Variants in PKNOX2 observed in about 807,000 individuals in gnomAD.
The protein encoded by PKNOX2 is PBX/knotted 1 homeobox 2, also known as homeobox protein PKNOX2.
A neutral mutation model predicts 53.1 loss-of-function variants in PKNOX2; 14 were observed. The ratio of observed to expected loss-of-function variants is 0.26; its 90% confidence interval spans 0.17 to 0.41. The LOEUF is 0.41. Among genes scored for constraint, PKNOX2 ranks in the 10% least tolerant of loss-of-function variants. The pLI, the probability that PKNOX2 is intolerant of heterozygous loss-of-function variation, is 1.00. For missense variants in PKNOX2, 496 were observed against 602.8 expected (o/e 0.82, Z 1.85); for synonymous variants, 257 against 242.8 (o/e 1.06, Z -0.54).
intron 2 of PKNOX2, among the ~76,000 whole-genome samples, chr11:125,276,821 A>G (rs1035753230): frequency 6.6e-6 from 1 of 152,088 alleles, no homozygotes; most frequent in Admixed American, 6.5e-5. Context: ...TAGTCAGCAA[A>G]TTTGTATCAT....
At chr11:125,316,090 G>C (rs1368362413) in intron 2 of PKNOX2, among the ~76,000 whole-genome samples, 1 of 152,110 alleles carries the variant, frequency 6.6e-6, no homozygotes, top group Non-Finnish European at 1.5e-5. Context: ...AGTGCAAAAG[G>C]CTCCTTTGCG....
chr11:125,165,450 G>A lies in PKNOX2; in HGVS notation c.-201+674G>A, dbSNP rs1468091931. Among the ~76,000 whole-genome samples, 1 of 152,174 alleles carries A rather than the reference G, an allele frequency of 6.6e-6. No individual in the cohort carries two copies. The highest frequency in any genetic ancestry group is 1.5e-5 in the Non-Finnish European group (1 of 68,004). ...CGTCCTTGGGGCCGGCGCTTACTCC[G>A]CGCCACCAGCCTGGAGATGCTTTCC... is the stretch of plus-strand genomic sequence containing the variant. On this transcript the variant is annotated intron_variant, in intron 1 of 12. Transcript: ENST00000298282. The surrounding 1 kb of genome is among the most constrained non-coding windows in gnomAD (Gnocchi z 4.5).
intron 9 of PKNOX2, chr11:125,411,397 T>C: frequency 2.5e-6 from 1 of 400,802 alleles, no homozygotes; most frequent in Non-Finnish European, 4.7e-6. Flanking sequence ...TGATAACTAC[T>C]TGACAGCTTA....
At chr11:125,320,082 C>T (rs904972358) in intron 2 of PKNOX2, among the ~76,000 whole-genome samples, 1 of 152,194 alleles carries the variant, frequency 6.6e-6, no homozygotes. Context: ...TGGAGAGTGT[C>T]AAGAATGTTA....
chr11:125,268,685 G>A (rs953188115), intron 2 of PKNOX2, among the ~76,000 whole-genome samples: 14 of 152,310 alleles, frequency 9.2e-5, no homozygotes, highest in African/African-American at 3.4e-4. Context: ...GGGCAGGGGG[G>A]CCTGGGGCTG....
chr11:125,425,448 TCTA>T (rs1956363246), intron 10 of PKNOX2, among the ~76,000 whole-genome samples: 1 of 152,246 alleles, frequency 6.6e-6, no homozygotes, highest in Non-Finnish European at 1.5e-5. Flanking sequence ...GGAAGGATTA[TCTA>T]CTTCCAGAGA....
chr11:125,238,048 G>A (rs773792740), intron 2 of PKNOX2, among the ~76,000 whole-genome samples: 1 of 152,212 alleles, frequency 6.6e-6, no homozygotes, highest in African/African-American at 2.4e-5. Context: ...TATGTCCTGA[G>A]GAGGCTGTGC....
At chr11:125,358,568 A>G (rs1343380291) in intron 4 of PKNOX2, among the ~76,000 whole-genome samples, 2 of 152,184 alleles carry the variant, frequency 1.3e-5, no homozygotes, top group Non-Finnish European at 2.9e-5. Flanking sequence ...TGAAACCCCC[A>G]TTGTACACCA....
intron 2 of PKNOX2, among the ~76,000 whole-genome samples, chr11:125,322,182 A>G (rs1368060874): frequency 6.6e-6 from 1 of 151,828 alleles, no homozygotes; most frequent in African/African-American, 2.4e-5. Flanking sequence ...GGTCTCGAAT[A>G]CCTGCACTAA....
chr11:125,411,623 A>C, intron 9 of PKNOX2, 123 bp from the exon 10 acceptor site: 1 of 1,519,862 alleles, frequency 6.6e-7, no homozygotes, highest in Non-Finnish European at 9.1e-7. Flanking sequence ...TGACCTCCCC[A>C]GGGCCCTAGG....
At chr11:125,301,280 G>C (rs1324137804) in intron 2 of PKNOX2, among the ~76,000 whole-genome samples, 1 of 152,080 alleles carries the variant, frequency 6.6e-6, no homozygotes, top group African/African-American at 2.4e-5. Context: ...GACACCTCAG[G>C]TGTTCGAGAT....
chr11:125,367,922 C>T lies in PKNOX2; in HGVS notation c.164C>T (p.Pro55Leu). ...GCCCCCTCAGCTGCTGCCAGCACACCTGTGCCCAGTGCCCCCATCGACCCC... is the reference window on the plus strand; with the variant it reads ...GCCCCCTCAGCTGCTGCCAGCACACTTGTGCCCAGTGCCCCCATCGACCCC... ...ISAPSAAASTPVPSAPIDPQA... is the reference protein window; with the variant it reads ...ISAPSAAASTLVPSAPIDPQA... The change falls in exon 5 of 13, where the codon CCT becomes CTT. Residue 55 changes from proline (P) to leucine (L), a missense_variant. Physicochemically the swap from Pro to Leu is moderately conservative, Grantham distance 98. This residue lies in a region of PKNOX2 where 168 missense variants were observed against 178.4 expected (regional missense o/e 0.94). Transcript: ENST00000298282. The T allele has an allele frequency of 6.2e-7, 1 of 1,613,774 alleles. No homozygotes were observed. The highest frequency in any genetic ancestry group is 8.5e-7 in the Non-Finnish European group (1 of 1,179,900).
chr11:125,428,955 T>TGGG, intron 10 of PKNOX2, 57 bp from the exon 11 acceptor site: 1 of 1,539,978 alleles, frequency 6.5e-7, no homozygotes, highest in South Asian at 1.1e-5. Flanking sequence ...CACAGTCCCT[T>TGGG]GGGGGGGCCA....
intron 2 of PKNOX2, among the ~76,000 whole-genome samples, chr11:125,324,205 C>A (rs1949699716): frequency 1.3e-5 from 2 of 152,204 alleles, no homozygotes. Flanking sequence ...GTGGACTCCA[C>A]CCTTTCCCTT....
rs903598780 is a variant in PKNOX2, at chr11:125,370,569, C to T, written c.227+2584C>T. ...TGGAAGAGGGAATCCCAGGCAAACG[C>T]GGCTGCCCCAGCACCTCAGGACACC... On this transcript the variant is annotated intron_variant, in intron 5 of 12. Transcript: ENST00000298282. This position sits in a 1 kb window ranked among gnomAD's most constrained non-coding sequence, Gnocchi z 4.1. 6.6e-6 allele frequency among the ~76,000 whole-genome samples: 1 copy of T among 152,238 alleles called. No homozygotes were observed. Among genetic ancestry groups the T allele is most frequent in the South Asian group, 2.1e-4 (1 of 4,832 alleles).
chr11:125,306,689 C>T (rs1385414030), intron 2 of PKNOX2, among the ~76,000 whole-genome samples: 1 of 152,156 alleles, frequency 6.6e-6, no homozygotes, highest in African/African-American at 2.4e-5. Context: ...TGTGCTGAGG[C>T]AGTGGGGGTG....
chr11:125,372,710 C>G (rs1053283027), intron 5 of PKNOX2, among the ~76,000 whole-genome samples: 14 of 152,216 alleles, frequency 9.2e-5, no homozygotes, highest in Non-Finnish European at 1.9e-4. Flanking sequence ...TGATCTCCTT[C>G]CTCGCAGCTC....
chr11:125,267,074 G>A (rs975706200), intron 2 of PKNOX2, among the ~76,000 whole-genome samples: 3 of 152,148 alleles, frequency 2.0e-5, no homozygotes, highest in African/African-American at 7.2e-5. Flanking sequence ...GTCTGTTTCC[G>A]TCACCAGCCA....
intron 2 of PKNOX2, among the ~76,000 whole-genome samples, chr11:125,319,825 T>C (rs1428130598): frequency 2.0e-5 from 3 of 152,118 alleles, no homozygotes; most frequent in Admixed American, 2.0e-4. Flanking sequence ...GCAAAGGCCC[T>C]GTGGTGGGAA....
Sources: allele counts gnomAD v4.1 joint callset (sites outside exome capture counted in the v4.1 genomes callset), GRCh38; gene constraint gnomAD v4.1.1; regional missense constraint gnomAD v4.1.1; non-coding constraint Gnocchi (gnomAD v3.1); transcripts MANE v1.5; gene names NCBI Gene and HGNC (gene_info 2026-07-23, HGNC 2026-07-21).